PCDH15: variants seen among roughly 807,000 people sequenced by gnomAD.
PCDH15 encodes protocadherin related 15, also known as protocadherin-15.
In PCDH15, 129 loss-of-function variants were observed where a neutral mutation model predicts 178.5. That is an observed-to-expected ratio of 0.72 (90% confidence interval 0.63 to 0.84). The LOEUF (loss-of-function observed/expected upper bound fraction) is 0.84. Among genes scored for constraint, PCDH15 ranks in the 40% least tolerant of loss-of-function variants. The pLI, the probability that PCDH15 is intolerant of heterozygous loss-of-function variation, is 0.00. For synonymous variants in PCDH15, 800 were observed against 732.0 expected, an observed-to-expected ratio of 1.09 and a Z score of -1.50; for missense variants, 2,230 against 2,099.9, an observed-to-expected ratio of 1.06 and a Z score of -1.21.
chr10:55,293,017 C>G (rs1447253467), intron 1 of PCDH15, among the ~76,000 whole-genome samples: 1 of 152,214 alleles, frequency 6.6e-6, no homozygotes, highest in Non-Finnish European at 1.5e-5. Flanking sequence ...AGCAGAGGTT[C>G]TCCATGAGGG....
rs1297347930 is a variant in PCDH15, at chr10:54,119,427, CCAGT to C, written c.1917+13444_1917+13447del. Among the ~76,000 whole-genome samples, 5 of 151,844 alleles carry C rather than the reference CCAGT, an allele frequency of 3.3e-5. No individual in the cohort carries two copies. In the East Asian group the frequency reaches 5.8e-4, roughly 18 times the overall value. Reference sequence around the variant, plus strand: ...TTGAAGATAAGCCTTCTGAAGTAACCCAGTCAGACAAAAATAAAGAAAAAAGAAT... The same window carrying C: ...TTGAAGATAAGCCTTCTGAAGTAACCCAGACAAAAATAAAGAAAAAAGAAT... On this transcript the variant is annotated intron_variant, in intron 15 of 37. Transcript: ENST00000644397.
At chr10:55,104,691 C>G (rs79808701) in intron 2 of PCDH15, among the ~76,000 whole-genome samples, 6,176 of 152,290 alleles carry the variant, frequency 0.041, 300 homozygotes, top group East Asian at 0.14. Context: ...GTAGGTACTA[C>G]TGTACCTCAA....
chr10:54,151,102 T>C (rs2044481771), intron 14 of PCDH15, among the ~76,000 whole-genome samples: 1 of 152,084 alleles, frequency 6.6e-6, no homozygotes, highest in South Asian at 2.1e-4. Context: ...GTCAATAAAA[T>C]AGAAATAGAT....
rs138643186 is a variant in PCDH15 at position 54,285,163 on chromosome 10, A to C, written c.876+32108T>G. On this transcript the variant is annotated intron_variant, in intron 8 of 37. Transcript: ENST00000644397. ...GGAATTCATTTGAGAAGTCAACCAT[A>C]TAATACTTCATGACATTGGTCTAGG... Among the ~76,000 whole-genome samples, 641 of 152,264 alleles carry C rather than the reference A, an allele frequency of 4.2e-3. 7 individuals carry two copies. Among genetic ancestry groups the C allele is most frequent in the African/African-American group, 0.013 (529 of 41,552 alleles).
chr10:55,437,970 T>C (rs1055491774), intron 2 of PCDH15, among the ~76,000 whole-genome samples: 2 of 150,800 alleles, frequency 1.3e-5, no homozygotes, highest in Non-Finnish European at 3.0e-5. Context: ...CCCGGGTACC[T>C]AGATTACAGG....
At chr10:53,898,476 T>G (rs890426449) in intron 26 of PCDH15, among the ~76,000 whole-genome samples, 3 of 152,214 alleles carry the variant, frequency 2.0e-5, no homozygotes, top group Admixed American at 6.5e-5. Context: ...TTAAAATGAC[T>G]GATTACTTGT....
intron 2 of PCDH15, among the ~76,000 whole-genome samples, chr10:55,516,296 G>A (rs1177476309): frequency 6.6e-6 from 1 of 152,078 alleles, no homozygotes; most frequent in African/African-American, 2.4e-5. Flanking sequence ...TCTCTTGTCT[G>A]CTTCCATGTA....
intron 2 of PCDH15, among the ~76,000 whole-genome samples, chr10:55,466,972 C>G (rs1419342923): frequency 6.6e-6 from 1 of 152,176 alleles, no homozygotes; most frequent in Non-Finnish European, 1.5e-5. Flanking sequence ...GATCTATCCA[C>G]TGGGAGCCTT....
At chr10:54,128,276 T>C (rs2042145306) in intron 15 of PCDH15, among the ~76,000 whole-genome samples, 1 of 152,188 alleles carries the variant, frequency 6.6e-6, no homozygotes, top group Admixed American at 6.6e-5. Flanking sequence ...CATACCTCTC[T>C]TCTTCACATG....
chr10:54,941,819 C>T (rs1234952530), intron 2 of PCDH15, among the ~76,000 whole-genome samples: 1 of 152,038 alleles, frequency 6.6e-6, no homozygotes, highest in Non-Finnish European at 1.5e-5. Flanking sequence ...TATTTCCCCC[C>T]CGTATTGTAC....
chr10:54,537,035 C>T (rs7895520), intron 2 of PCDH15, among the ~76,000 whole-genome samples: 9,882 of 124,996 alleles, frequency 0.079, 519 homozygotes, highest in African/African-American at 0.14. Flanking sequence ...GCGTCTCTCT[C>T]TCGCCCAGGC....
intron 26 of PCDH15, among the ~76,000 whole-genome samples, chr10:53,880,988 A>T (rs2080668948): frequency 6.6e-6 from 1 of 152,082 alleles, no homozygotes; most frequent in Non-Finnish European, 1.5e-5. Flanking sequence ...CTGTATGTGT[A>T]TGTGTGTGTG....
intron 2 of PCDH15, among the ~76,000 whole-genome samples, chr10:54,639,178 G>A (rs1318261648): frequency 1.3e-5 from 2 of 152,002 alleles, no homozygotes; most frequent in African/African-American, 4.8e-5. Context: ...CCAAATATAT[G>A]CTTATAAATA....
chr10:53,837,022 G>A lies in PCDH15; in HGVS notation c.3983+3298C>T, dbSNP rs185948783. Among the ~76,000 whole-genome samples the A allele has an allele frequency of 1.6e-3, 247 of 150,328 alleles. 1 individual carries two copies. The highest frequency in any genetic ancestry group is 0.015 in the Admixed American group (225 of 14,944). ...GTGAGTTCATCAATAGGCTAACACA[G>A]ATGAATCAGTGAATTCAAAAATAGG... On this transcript the variant is annotated intron_variant, in intron 29 of 37. Transcript: ENST00000644397.
intron 20 of PCDH15, among the ~76,000 whole-genome samples, chr10:54,013,620 C>A (rs1018354642): frequency 6.6e-6 from 1 of 152,110 alleles, no homozygotes; most frequent in Non-Finnish European, 1.5e-5. Flanking sequence ...CAAAACCATA[C>A]AATTACATGG....
chr10:54,757,818 T>G (rs934622473), intron 1 of PCDH15, among the ~76,000 whole-genome samples: 1 of 152,184 alleles, frequency 6.6e-6, no homozygotes, highest in Non-Finnish European at 1.5e-5. Context: ...CCTTAATATA[T>G]AGCTGCATGG....
intron 2 of PCDH15, among the ~76,000 whole-genome samples, chr10:54,939,439 G>A (rs1837999884): frequency 7.4e-6 from 1 of 134,324 alleles, no homozygotes; most frequent in Non-Finnish European, 1.5e-5. Context: ...AGCTTGTGGT[G>A]AGCCGAGACC....
chr10:55,438,202 T>TACACAC (rs71463103), intron 2 of PCDH15, among the ~76,000 whole-genome samples: 10,003 of 149,556 alleles, frequency 0.067, 438 homozygotes, highest in Admixed American at 0.11. Context: ...GAACATGTTA[T>TACACAC]ACACACACAC....
intron 2 of PCDH15, among the ~76,000 whole-genome samples, chr10:54,905,056 A>T (rs1954696951): frequency 6.6e-6 from 1 of 151,890 alleles, no homozygotes; most frequent in South Asian, 2.1e-4. Flanking sequence ...TTTCAAATTC[A>T]TATAAGAAAA....
Sources: gnomAD v4.1 joint callset for allele counts (sites outside exome capture counted in the v4.1 genomes callset) on GRCh38, gnomAD v4.1.1 for gene constraint, MANE v1.5 for transcripts, NCBI Gene and HGNC (gene_info 2026-07-23, HGNC 2026-07-21) for gene names.